The following CLVS1 variants were observed in gnomAD, a reference collection of about 807,000 sequenced individuals.
CLVS1 encodes clavesin 1.
In CLVS1, 10 loss-of-function variants were observed where a neutral mutation model predicts 33.1. That is an observed-to-expected ratio of 0.30 (90% CI 0.19 to 0.51). The LOEUF (loss-of-function observed/expected upper bound fraction) is 0.51, where lower values mean the gene tolerates loss of function less well. CLVS1 is among the 20% of genes least tolerant of loss of function. The pLI is 0.97. For synonymous variants in CLVS1, 163 were observed against 166.1 expected, an observed-to-expected ratio of 0.98 and a Z score of 0.14; for missense variants, 343 against 433.4, an observed-to-expected ratio of 0.79 and a Z score of 1.85.
chr8:61,287,838 C>T (rs1809824400), upstream of CLVS1: 9 of 330,612 alleles, frequency 2.7e-5, no homozygotes, highest in Non-Finnish European at 1.2e-5. Context: ...ACTTTTTGTC[C>T]CAGATGTTAA....
intron 2 of CLVS1, among the ~76,000 whole-genome samples, chr8:61,342,709 C>T (rs1024578144): frequency 6.6e-6 from 1 of 152,108 alleles, no homozygotes; most frequent in Non-Finnish European, 1.5e-5. Flanking sequence ...GAAAGGCTGC[C>T]GTGCACATCA....
chr8:61,147,876 C>T (rs886393032), intron 2 of CLVS1, among the ~76,000 whole-genome samples: 13 of 148,224 alleles, frequency 8.8e-5, no homozygotes, highest in South Asian at 2.1e-4. Context: ...ATTGCAATGA[C>T]GCTGTCAGGA....
chr8:61,366,078 T>A (rs749019187), intron 2 of CLVS1, among the ~76,000 whole-genome samples: 26 of 152,312 alleles, frequency 1.7e-4, no homozygotes, highest in Non-Finnish European at 3.5e-4. Context: ...TTTATATTTG[T>A]TTAGTAATAG....
chr8:60,985,372 T>C, the CLVS1 span, among the ~76,000 whole-genome samples: 2 of 152,202 alleles, frequency 1.3e-5, no homozygotes, highest in Non-Finnish European at 2.9e-5. Flanking sequence ...TCTACCAGCC[T>C]GAGAGCTCCA....
At chr8:61,265,826 C>G (rs1023116196) in intron 2 of CLVS1, among the ~76,000 whole-genome samples, 6 of 152,318 alleles carry the variant, frequency 3.9e-5, no homozygotes, top group South Asian at 2.1e-4. Flanking sequence ...TATGGCTTCT[C>G]TCTACCACAT....
intron 2 of CLVS1, among the ~76,000 whole-genome samples, chr8:61,275,870 C>T (rs556669530): frequency 2.8e-4 from 43 of 152,194 alleles, no homozygotes; most frequent in African/African-American, 5.3e-4. Context: ...CTCTCTTAGC[C>T]GTCATGTTGC....
rs564221972 is a variant in CLVS1, at chr8:61,266,408, C to T, written c.-151-33269C>T. Among the ~76,000 whole-genome samples, 3 of 151,694 alleles carry T rather than the reference C, an allele frequency of 2.0e-5. No individual in the cohort carries two copies. The South Asian group carries it at 6.3e-4, about 32-fold the overall frequency. On this transcript the variant is annotated intron_variant, in intron 2 of 2. Coordinates refer to the CLVS1 transcript ENST00000522621. Reference sequence around the variant, plus strand: ...TTGTTAACCAGATTTGGTTAATATCCTTTTCTTCCCCCAGGCCAAAGAACT... The same window carrying T: ...TTGTTAACCAGATTTGGTTAATATCTTTTTCTTCCCCCAGGCCAAAGAACT...
chr8:60,997,025 TAAA>T, the CLVS1 span, among the ~76,000 whole-genome samples: 24,481 of 148,994 alleles, frequency 0.16, 2,227 homozygotes, highest in African/African-American at 0.24. Context: ...ATAATGAAAT[TAAA>T]AAAAAAAGAT....
At chr8:61,120,919 C>A (rs1269494251) in intron 1 of CLVS1, among the ~76,000 whole-genome samples, 2 of 148,680 alleles carry the variant, frequency 1.3e-5, no homozygotes, top group Non-Finnish European at 3.0e-5. Context: ...AGCTTCCTGG[C>A]TGCTTTGTTT....
rs184444317 is a variant in CLVS1 at position 61,400,751 on chromosome 8, G to A, written c.630+23972G>A. ...AGAGTTGTTAACATGAAACGATGTTGAATTTTATCGAAGGCCTTTTCTGTG... is the reference window on the plus strand; with the variant it reads ...AGAGTTGTTAACATGAAACGATGTTAAATTTTATCGAAGGCCTTTTCTGTG... On this transcript the variant is annotated intron_variant, in intron 3 of 5. Coordinates refer to ENST00000325897, the MANE Select transcript of CLVS1 (RefSeq NM_173519.3). Among the ~76,000 whole-genome samples the A allele has an allele frequency of 2.3e-3, 349 of 152,188 alleles. 2 individuals carry two copies. Among genetic ancestry groups the A allele is most frequent in the African/African-American group, 7.7e-3 (321 of 41,518 alleles).
the CLVS1 span, among the ~76,000 whole-genome samples, chr8:61,040,554 A>G: frequency 6.6e-6 from 1 of 152,200 alleles, no homozygotes; most frequent in Non-Finnish European, 1.5e-5. Context: ...ATGGTATCTC[A>G]TTGTGGCTTT....
intron 1 of CLVS1, among the ~76,000 whole-genome samples, chr8:61,090,126 C>T (rs1427284366): frequency 6.6e-6 from 1 of 152,170 alleles, no homozygotes; most frequent in Non-Finnish European, 1.5e-5. Context: ...AGTACTCATT[C>T]AACTTTTTCC....
the CLVS1 span, among the ~76,000 whole-genome samples, chr8:61,023,888 C>G: frequency 1.3e-5 from 2 of 152,220 alleles, no homozygotes; most frequent in African/African-American, 4.8e-5. Context: ...GCCGGAGAGA[C>G]TGGCTGCTGA....
chr8:61,317,101 A>C (rs1417386582), intron 2 of CLVS1, among the ~76,000 whole-genome samples: 6 of 152,212 alleles, frequency 3.9e-5, no homozygotes, highest in African/African-American at 7.2e-5. Flanking sequence ...ACTATAACAA[A>C]ATACCTGGGG....
chr8:61,405,201 T>G (rs2129603743), intron 3 of CLVS1, among the ~76,000 whole-genome samples: 1 of 152,320 alleles, frequency 6.6e-6, no homozygotes, highest in Middle Eastern at 3.4e-3. Flanking sequence ...CGTATGTCCA[T>G]TAGCTCATTT....
intron 2 of CLVS1, among the ~76,000 whole-genome samples, chr8:61,319,157 T>G (rs1366724779): frequency 6.6e-6 from 1 of 152,180 alleles, no homozygotes; most frequent in Non-Finnish European, 1.5e-5. Flanking sequence ...TTTGTCATGT[T>G]GTTTGTGGTT....
intron 3 of CLVS1, among the ~76,000 whole-genome samples, chr8:61,379,219 G>A (rs1465999491): frequency 6.6e-6 from 1 of 152,200 alleles, no homozygotes; most frequent in African/African-American, 2.4e-5. Context: ...GAGTAGGTGT[G>A]AGAAAGTGGC....
At chr8:61,459,771 C>A (rs1586005576) in intron 5 of CLVS1, among the ~76,000 whole-genome samples, 1 of 152,110 alleles carries the variant, frequency 6.6e-6, no homozygotes, top group East Asian at 1.9e-4. Context: ...TGTATAATTT[C>A]TAGGGCTGCT....
At chr8:61,132,019 C>A (rs1806108991) in intron 2 of CLVS1, among the ~76,000 whole-genome samples, 1 of 152,252 alleles carries the variant, frequency 6.6e-6, no homozygotes, top group South Asian at 2.1e-4. Context: ...GGGTGGGGTG[C>A]CTCTGGCACT....
Sources: allele counts gnomAD v4.1 joint callset (sites outside exome capture counted in the v4.1 genomes callset), GRCh38; gene constraint gnomAD v4.1.1; transcripts MANE v1.5; gene names NCBI Gene and HGNC (gene_info 2026-07-23, HGNC 2026-07-21).